The following COL4A4 variants were observed in gnomAD, a reference collection of about 807,000 sequenced individuals.
COL4A4 encodes the protein collagen type IV alpha 4 chain.
A neutral mutation model predicts 192.9 loss-of-function variants in COL4A4; 105 were observed. The observed-to-expected ratio is 0.54, with a 90% CI of 0.46 to 0.64. The LOEUF (loss-of-function observed/expected upper bound fraction) is 0.64, where lower values mean the gene tolerates loss of function less well. Among genes scored for constraint, COL4A4 ranks in the 30% least tolerant of loss-of-function variants. The pLI is 0.00. For missense variants in COL4A4, 1,967 were observed against 2,169.3 expected (o/e 0.91, Z 1.85); for synonymous variants, 762 against 769.9 (o/e 0.99, Z 0.17).
chr2:227,148,052 T>C (rs537172811), intron 1 of COL4A4, among the ~76,000 whole-genome samples: 3 of 152,148 alleles, frequency 2.0e-5, no homozygotes, highest in Non-Finnish European at 4.4e-5. Context: ...TATAAAAGTA[T>C]TTTTATGTAA....
chr2:227,040,973 GTATTA>G (rs1279576901), intron 37 of COL4A4, among the ~76,000 whole-genome samples: 4 of 152,090 alleles, frequency 2.6e-5, no homozygotes, highest in Admixed American at 6.6e-5. Flanking sequence ...ATATTGTATT[GTATTA>G]TATTATATTA....
intron 26 of COL4A4, among the ~76,000 whole-genome samples, 167 bp from the exon 27 acceptor site, chr2:227,060,410 T>TG (rs1240327946): frequency 2.6e-5 from 4 of 152,264 alleles, no homozygotes; most frequent in Non-Finnish European, 5.9e-5. Flanking sequence ...GTAAGTCATA[T>TG]GCTCCAAATA....
intron 25 of COL4A4, among the ~76,000 whole-genome samples, chr2:227,065,285 G>A (rs6734207): frequency 5.3e-5 from 8 of 152,292 alleles, no homozygotes; most frequent in South Asian, 4.1e-4. Context: ...ACTGCAAGGC[G>A]GCAGCGAGGC....
chr2:227,161,579 T>C (rs1484312500), intron 1 of COL4A4, among the ~76,000 whole-genome samples: 1 of 152,192 alleles, frequency 6.6e-6, no homozygotes, highest in Non-Finnish European at 1.5e-5. Context: ...TCAAACATTG[T>C]TCTAAATGTG....
chr2:226,993,840 C>G, the COL4A4 span, among the ~76,000 whole-genome samples: 1 of 152,236 alleles, frequency 6.6e-6, no homozygotes, highest in East Asian at 1.9e-4. Flanking sequence ...ACTGCTTTCT[C>G]TAACATCTTT....
Position 227,140,192 on chromosome 2 carries a change from A to C in COL4A4, c.161T>G (p.Val54Gly), listed in dbSNP as rs537516406. The change falls in exon 4 of 48, where the codon GTT becomes GGT. Residue 54 changes from valine (V) to glycine (G), a missense_variant. Coordinates refer to ENST00000396625, the MANE Select transcript of COL4A4 (RefSeq NM_000092.5). The stretch of plus-strand genomic sequence containing the variant: ...CCCCTTTTCAGGAACACAGTGGCAA[A>C]CAGAGCAATCTCTTCCTCCACAAGG... ...IGPCGGRDCS[V>G]CHCVPEKGSR... 13 of 1,614,144 alleles carry C rather than the reference A, an allele frequency of 8.1e-6. No individual in the cohort carries two copies. The South Asian group carries it at 1.1e-4, about 14-fold the overall frequency.
intron 44 of COL4A4, 58 bp downstream of exon 44, chr2:227,021,990 G>C (rs2149851427): frequency 1.3e-6 from 2 of 1,575,138 alleles, no homozygotes; most frequent in African/African-American, 2.7e-5. Flanking sequence ...AAAAGATCTA[G>C]AATTTCATTT....
At chr2:226,980,263 G>A in the COL4A4 span, among the ~76,000 whole-genome samples, 2 of 152,170 alleles carry the variant, frequency 1.3e-5, no homozygotes, top group African/African-American at 4.8e-5. Context: ...GGCAAAGCCA[G>A]TATTCAACCT....
At position 227,032,204 on chromosome 2, in the gene COL4A4, C is replaced by G; in HGVS notation, c.3650G>C (p.Ser1217Thr). 6 of 1,614,158 alleles carry G rather than the reference C, an allele frequency of 3.7e-6. No homozygotes were observed. Among genetic ancestry groups the G allele is most frequent in the Non-Finnish European group, 5.1e-6 (6 of 1,179,966 alleles). Residue 1217 changes from serine to threonine, a missense_variant, in exon 39 of 48, where the codon AGC becomes ACC. Transcript: ENST00000396625. ...GLKGERGDPG[S>T]PGISPPGPRG... is the part of the protein sequence containing the mutation. ...AGGACCTGGAGGAGAGATTCCTGGGCTCCCAGGGTCTCCTCTCTCCCCTTT... is the reference window on the plus strand; with the variant it reads ...AGGACCTGGAGGAGAGATTCCTGGGGTCCCAGGGTCTCCTCTCTCCCCTTT...
chr2:227,107,942 G>A (rs893678515), intron 12 of COL4A4, among the ~76,000 whole-genome samples: 1 of 151,908 alleles, frequency 6.6e-6, no homozygotes, highest in Non-Finnish European at 1.5e-5. Context: ...ATTTTTAGTA[G>A]AGACGGGGTT....
chr2:226,984,081 G>A, the COL4A4 span, among the ~76,000 whole-genome samples: 1 of 152,194 alleles, frequency 6.6e-6, no homozygotes, highest in East Asian at 1.9e-4. Context: ...TTAGGACAGA[G>A]TCCCAAGAAA....
chr2:227,055,861 G>T, intron 30 of COL4A4, 84 bp downstream of exon 30: 2 of 1,225,290 alleles, frequency 1.6e-6, no homozygotes, highest in Non-Finnish European at 2.3e-6. Context: ...AACTCTTTTT[G>T]TGTGGTCATC....
chr2:227,097,611 A>T (rs1559614403), intron 19 of COL4A4, among the ~76,000 whole-genome samples: 1 of 152,186 alleles, frequency 6.6e-6, no homozygotes, highest in Non-Finnish European at 1.5e-5. Flanking sequence ...TATTACAAAC[A>T]AGCCTGATTG....
At chr2:226,982,839 A>G in the COL4A4 span, among the ~76,000 whole-genome samples, 2 of 152,338 alleles carry the variant, frequency 1.3e-5, no homozygotes, top group South Asian at 4.1e-4. Context: ...CCTTGTTCCT[A>G]GGACTGGGTG....
In COL4A4 at chr2:227,014,068, C is replaced by A. The variant is rs140251606; in HGVS notation, c.4217-1771G>T. ...ACGCAGGCCCCTCCCTGCCCCTCTG[C>A]GGCCCCAGGTGAGGCCCCGACTGTG... On this transcript the variant is annotated intron_variant, in intron 44 of 47. Transcript: ENST00000396625. Among the ~76,000 whole-genome samples the A allele has an allele frequency of 6.2e-3, 939 of 152,336 alleles. 6 individuals are homozygous for A. The highest frequency in any genetic ancestry group is 0.021 in the African/African-American group (875 of 41,572).
In COL4A4 at chr2:227,022,171, CACCTGAAATT is replaced by C; in HGVS notation, c.4091-8_4092del. 6.2e-7 allele frequency: 1 copy of C among 1,614,094 alleles called. No homozygotes were observed. The highest frequency in any genetic ancestry group is 8.5e-7 in the Non-Finnish European group (1 of 1,180,034). On this transcript the variant is annotated splice_acceptor_variant and splice_polypyrimidine_tract_variant and coding_sequence_variant and intron_variant, in exon 44 of 48. Coordinates refer to ENST00000396625, the MANE Select transcript of COL4A4 (RefSeq NM_000092.5). LOFTEE classifies it high-confidence loss of function. ...TCCACATCTGCAGGTGGCCCCGGTT[CACCTGAAATT>C]GGAATCACCGCTTGTGTAATGGATG...
At chr2:226,988,562 G>A in the COL4A4 span, 1 of 1,389,512 alleles carries the variant, frequency 7.2e-7, no homozygotes, top group Non-Finnish European at 9.3e-7. Context: ...GCGGACTGGT[G>A]TGGAATCTGC....
chr2:227,054,706 A>G lies in COL4A4; in HGVS notation c.2748T>C (p.Phe916=). The G allele has an allele frequency of 6.2e-7, 1 of 1,614,198 alleles. No individual in the cohort carries two copies. Among genetic ancestry groups the G allele is most frequent in the African/African-American group, 1.3e-5 (1 of 75,068 alleles). Residue 916 remains phenylalanine, a synonymous_variant, in exon 31 of 48, where the codon TTT becomes TTC. Transcript: ENST00000396625. ...GPRGLPGFPG[F]PGERGKPGAE... is the part of the protein sequence containing the mutation. ...CACCAGGCTTTCCTCTTTCTCCGGGAAAACCTGGGAAACCAGGCAGCCCCC... is the reference window on the plus strand; with the variant it reads ...CACCAGGCTTTCCTCTTTCTCCGGGGAAACCTGGGAAACCAGGCAGCCCCC...
At chr2:227,108,747 G>A (rs1344728272) in intron 11 of COL4A4, 86 bp downstream of exon 11, 1 of 1,527,546 alleles carries the variant, frequency 6.5e-7, no homozygotes, top group Non-Finnish European at 9.1e-7. Context: ...TCTGATAAGA[G>A]GAAAGCCATC....
Sources: allele counts gnomAD v4.1 joint callset (sites outside exome capture counted in the v4.1 genomes callset), GRCh38; gene constraint gnomAD v4.1.1; transcripts MANE v1.5; gene names NCBI Gene and HGNC (gene_info 2026-07-23, HGNC 2026-07-21).